Variants in GRIP1 observed in about 807,000 individuals in gnomAD.
GRIP1 encodes glutamate receptor-interacting protein 1.
Under a neutral mutation model 129.9 loss-of-function variants are expected in GRIP1, and 45 were observed. The ratio of observed to expected loss-of-function variants is 0.35; its 90% CI spans 0.27 to 0.44. GRIP1 has a LOEUF of 0.44. Among genes scored for constraint, GRIP1 ranks in the 20% least tolerant of loss-of-function variants. The probability of loss-of-function intolerance (pLI) is 1.00; values close to 1 mark genes in which losing one functional copy is unlikely to be tolerated. For missense variants in GRIP1, 1,196 were observed against 1,396.8 expected (o/e 0.86, Z 2.29); for synonymous variants, 530 against 520.8 (o/e 1.02, Z -0.24).
rs529306649 is a variant in GRIP1, at chr12:66,467,918, T to A, written c.725-2496A>T. On this transcript the variant is annotated intron_variant, in intron 7 of 24. Coordinates refer to ENST00000359742, the MANE Select transcript of GRIP1 (RefSeq NM_001366722.1). ...TCACTTATGTTTTTCCTCATGGTTT[T>A]GTCATGTCTAAAGATAAATTTATTT... Among the ~76,000 whole-genome samples, 26 of 152,384 alleles carry A rather than the reference T, an allele frequency of 1.7e-4. 1 individual carries two copies. The highest frequency in any genetic ancestry group is 6.3e-4 in the African/African-American group (26 of 41,598).
intron 1 of GRIP1, among the ~76,000 whole-genome samples, chr12:67,045,625 A>C (rs146153148): frequency 4.6e-5 from 7 of 152,346 alleles, no homozygotes; most frequent in African/African-American, 1.2e-4. Context: ...GTGAGACTTA[A>C]TGGGATTCTA....
intron 7 of GRIP1, among the ~76,000 whole-genome samples, chr12:66,479,659 T>C (rs1008515146): frequency 5.9e-5 from 9 of 152,076 alleles, no homozygotes; most frequent in Non-Finnish European, 1.2e-4. Flanking sequence ...AACATCAATA[T>C]GAAAATCCTC....
chr12:66,792,011 A>G (rs1301795979), intron 1 of GRIP1, among the ~76,000 whole-genome samples: 1 of 152,150 alleles, frequency 6.6e-6, no homozygotes, highest in African/African-American at 2.4e-5. Flanking sequence ...AAAGTTTAAC[A>G]TTCTGGATTT....
chr12:66,689,931 AT>A (rs1313817584), intron 1 of GRIP1, among the ~76,000 whole-genome samples: 3 of 151,474 alleles, frequency 2.0e-5, no homozygotes, highest in Non-Finnish European at 4.4e-5. Context: ...TTATTTATTT[AT>A]TTTTGAGACA....
At chr12:66,982,325 C>A (rs1362822723) in intron 1 of GRIP1, among the ~76,000 whole-genome samples, 8 of 152,116 alleles carry the variant, frequency 5.3e-5, no homozygotes, top group Admixed American at 5.2e-4. Context: ...TGGTAGGCAA[C>A]TTCTAGGATG....
chr12:66,727,739 C>A (rs1731200992), intron 1 of GRIP1, among the ~76,000 whole-genome samples: 1 of 151,972 alleles, frequency 6.6e-6, no homozygotes, highest in African/African-American at 2.4e-5. Flanking sequence ...TAGAAAAAGA[C>A]TAGAAATGCC....
intron 1 of GRIP1, among the ~76,000 whole-genome samples, chr12:67,049,197 G>A (rs1013310296): frequency 2.0e-5 from 3 of 152,024 alleles, no homozygotes; most frequent in African/African-American, 4.8e-5. Flanking sequence ...ACTTAATTCT[G>A]TTTCATAAAC....
At chr12:67,001,293 G>A (rs2042547222) in intron 1 of GRIP1, among the ~76,000 whole-genome samples, 1 of 152,114 alleles carries the variant, frequency 6.6e-6, no homozygotes, top group African/African-American at 2.4e-5. Flanking sequence ...GAGAGCTTGT[G>A]GGCTATCTAA....
At chr12:66,446,663 C>T (rs545007885) in intron 11 of GRIP1, among the ~76,000 whole-genome samples, 4 of 152,250 alleles carry the variant, frequency 2.6e-5, no homozygotes, top group African/African-American at 9.6e-5. Flanking sequence ...CAGGACTTGC[C>T]TCTTAGTCTG....
At chr12:66,424,953 C>G (rs569243629) in intron 14 of GRIP1, among the ~76,000 whole-genome samples, 1 of 152,110 alleles carries the variant, frequency 6.6e-6, no homozygotes, top group African/African-American at 2.4e-5. Flanking sequence ...CTCTTCTCTT[C>G]TCTCTTGCAT....
chr12:66,835,191 A>G (rs7358724), intron 1 of GRIP1, among the ~76,000 whole-genome samples: 143,152 of 152,232 alleles, frequency 0.94, 67,933 homozygotes, highest in East Asian at 1. Context: ...CTTCAACAAT[A>G]AAGATACAGA....
At chr12:66,940,433 C>T (rs904859747) in intron 1 of GRIP1, among the ~76,000 whole-genome samples, 13 of 152,096 alleles carry the variant, frequency 8.5e-5, no homozygotes, top group Admixed American at 3.9e-4. Flanking sequence ...AACCTAGTCA[C>T]GGCCACCTAC....
intron 1 of GRIP1, among the ~76,000 whole-genome samples, chr12:67,061,787 A>T (rs1201094856): frequency 1.3e-5 from 2 of 152,198 alleles, no homozygotes; most frequent in African/African-American, 2.4e-5. Flanking sequence ...CTGGTAGTCC[A>T]TCACTTTGGT....
At chr12:66,459,955 C>G (rs958081854) in intron 9 of GRIP1, among the ~76,000 whole-genome samples, 1 of 152,108 alleles carries the variant, frequency 6.6e-6, no homozygotes, top group Admixed American at 6.6e-5. Flanking sequence ...ATAATTGTAG[C>G]CTACTTTCAC....
At chr12:66,965,872 T>C (rs1001117774) in intron 1 of GRIP1, among the ~76,000 whole-genome samples, 4 of 152,274 alleles carry the variant, frequency 2.6e-5, no homozygotes, top group African/African-American at 9.6e-5. Context: ...GATGACACTA[T>C]TGCAAAATGC....
intron 1 of GRIP1, among the ~76,000 whole-genome samples, chr12:66,648,909 G>A (rs1272837432): frequency 1.3e-5 from 2 of 152,150 alleles, no homozygotes; most frequent in Admixed American, 6.5e-5. Flanking sequence ...TGTAAGATAC[G>A]CCAGTGATCC....
intron 1 of GRIP1, among the ~76,000 whole-genome samples, chr12:66,945,765 G>T (rs980470172): frequency 6.6e-5 from 10 of 152,184 alleles, no homozygotes; most frequent in African/African-American, 2.4e-4. Context: ...TCTGAGCCCA[G>T]GTGTCCTCGT....
chr12:66,367,642 CAG>C (rs2055230125), intron 23 of GRIP1, among the ~76,000 whole-genome samples: 1 of 152,176 alleles, frequency 6.6e-6, no homozygotes, highest in Non-Finnish European at 1.5e-5. Flanking sequence ...TGAAAAGAAA[CAG>C]AAGAAAAATC....
At chr12:66,659,445 T>C (rs1413924787) in intron 1 of GRIP1, among the ~76,000 whole-genome samples, 1 of 152,248 alleles carries the variant, frequency 6.6e-6, no homozygotes, top group Non-Finnish European at 1.5e-5. Context: ...TCATTGTGCA[T>C]TTCTTTTTGC....
Sources: gnomAD v4.1 joint callset for allele counts (sites outside exome capture counted in the v4.1 genomes callset) on GRCh38, gnomAD v4.1.1 for gene constraint, MANE v1.5 for transcripts, NCBI Gene and HGNC (gene_info 2026-07-23, HGNC 2026-07-21) for gene names.